The following DOCK2 variants were observed in gnomAD, a reference collection of about 807,000 sequenced individuals.
DOCK2 encodes the protein dedicator of cytokinesis protein 2.
Under a neutral mutation model 248.9 loss-of-function variants are expected in DOCK2, and 87 were observed. The observed-to-expected ratio is 0.35, with a 90% CI of 0.29 to 0.42. The LOEUF is 0.42. DOCK2 is among the 10% of genes least tolerant of loss of function. DOCK2 has a pLI of 1.00. For synonymous variants in DOCK2, 805 were observed against 821.6 expected (o/e 0.98, Z 0.35); for missense variants, 1,747 against 2,300.2 (o/e 0.76, Z 4.92).
intron 46 of DOCK2, among the ~76,000 whole-genome samples, chr5:170,075,238 C>T (rs1757798121): frequency 6.6e-6 from 1 of 152,172 alleles, no homozygotes; most frequent in Non-Finnish European, 1.5e-5. Flanking sequence ...TGACAGTGCC[C>T]ACCATGGCTC....
At chr5:169,912,456 G>A (rs1774650886) in intron 27 of DOCK2, among the ~76,000 whole-genome samples, 1 of 152,124 alleles carries the variant, frequency 6.6e-6, no homozygotes, top group Non-Finnish European at 1.5e-5. Context: ...TTCATCTTTT[G>A]GCACGTGTAT....
At chr5:169,840,987 T>C (rs776135599) in intron 27 of DOCK2, 135 bp downstream of exon 27, 123 of 984,480 alleles carry the variant, frequency 1.2e-4, no homozygotes, top group Non-Finnish European at 1.8e-4. Context: ...ACCAGATTTT[T>C]CCTGTCTGAG....
chr5:169,899,997 T>G (rs1250314222), intron 27 of DOCK2, among the ~76,000 whole-genome samples: 1 of 152,226 alleles, frequency 6.6e-6, no homozygotes, highest in Non-Finnish European at 1.5e-5. Flanking sequence ...TGTATTCACT[T>G]CAGGGTCTCC....
chr5:169,696,054 T>C, intron 10 of DOCK2, 116 bp downstream of exon 10: 1 of 1,360,240 alleles, frequency 7.4e-7, no homozygotes, highest in Non-Finnish European at 9.7e-7. Context: ...CTGCAAAATT[T>C]ATGCCAGACA....
intron 2 of DOCK2, among the ~76,000 whole-genome samples, chr5:169,658,522 AC>A (rs1430072067): frequency 6.7e-6 from 1 of 150,070 alleles, no homozygotes; most frequent in Non-Finnish European, 1.5e-5. Flanking sequence ...TAGTATCTTC[AC>A]CATATGCTCA....
intron 27 of DOCK2, among the ~76,000 whole-genome samples, chr5:169,959,042 C>G (rs1394142121): frequency 1.3e-5 from 2 of 152,110 alleles, no homozygotes; most frequent in Non-Finnish European, 2.9e-5. Flanking sequence ...GCAGAAACAA[C>G]ATATGAAAAT....
At position 169,669,280 on chromosome 5, in the gene DOCK2, T is replaced by G; in HGVS notation, c.128-8T>G. On this transcript the variant is annotated splice_polypyrimidine_tract_variant and splice_region_variant and intron_variant, in intron 2 of 51. Transcript: ENST00000520908. ...TGAGGGAACTGTTTCTTTGTTTTCT[T>G]TTTGCAGACTGGTATAGGGGATACC... The G allele has an allele frequency of 6.2e-7, 1 of 1,613,188 alleles. No homozygotes were observed. Among genetic ancestry groups the G allele is most frequent in the Middle Eastern group, 1.7e-4 (1 of 6,060 alleles).
intron 25 of DOCK2, among the ~76,000 whole-genome samples, chr5:169,775,412 T>A (rs1042088947): frequency 6.6e-5 from 10 of 152,106 alleles, no homozygotes; most frequent in Admixed American, 5.2e-4. Flanking sequence ...CAGTGCTGCT[T>A]GATAGTCTGT....
intron 26 of DOCK2, among the ~76,000 whole-genome samples, chr5:169,817,179 C>T (rs1768112947): frequency 6.6e-6 from 1 of 152,216 alleles, no homozygotes; most frequent in Non-Finnish European, 1.5e-5. Flanking sequence ...AGCTCCGTCT[C>T]ACTCACCACC....
intron 26 of DOCK2, among the ~76,000 whole-genome samples, chr5:169,837,224 CA>C (rs1198730272): frequency 6.6e-6 from 1 of 152,114 alleles, no homozygotes; most frequent in Non-Finnish European, 1.5e-5. Context: ...ATTTCTTTGC[CA>C]AGGCCATAAT....
At chr5:169,784,542 A>G (rs1259309289) in intron 25 of DOCK2, among the ~76,000 whole-genome samples, 2 of 152,240 alleles carry the variant, frequency 1.3e-5, no homozygotes, top group Non-Finnish European at 2.9e-5. Context: ...TCAGGTGTGT[A>G]CAAATAGAGT....
chr5:169,781,040 T>C (rs747973278), intron 25 of DOCK2, among the ~76,000 whole-genome samples: 3 of 152,218 alleles, frequency 2.0e-5, no homozygotes, highest in Non-Finnish European at 4.4e-5. Context: ...CTAGAGCCCA[T>C]GCTGGCATCT....
At chr5:169,864,253 GGGGGATGGTCCCAACCA>G (rs1157185607) in intron 27 of DOCK2, 3 of 1,548,190 alleles carry the variant, frequency 1.9e-6, no homozygotes, top group South Asian at 1.2e-5. Context: ...TTGGGGGGCT[GGGGGATGGTCCCAACCA>G]GCTCAGATCC....
chr5:169,995,959 T>A lies in DOCK2; in HGVS notation c.2994-127T>A, dbSNP rs974416656. On this transcript the variant is annotated intron_variant, in intron 29 of 51. Coordinates refer to ENST00000520908, the MANE Select transcript of DOCK2 (RefSeq NM_004946.3). ...TTGTTAATCTGCATTAGCTGACCTC[T>A]CTAAATCAGTAATTTGGCCTTTGAG... The A allele has an allele frequency of 6.6e-6, 6 of 905,516 alleles. No homozygotes were observed. In the South Asian group the frequency reaches 1.0e-4, roughly 15 times the overall value. The allele number at this position is 905,516 out of a possible 1,614,324, so 56.1% of individuals were successfully genotyped here.
chr5:169,957,757 T>C lies in DOCK2; in HGVS notation c.2800-25311T>C, dbSNP rs893133059. ...CTTTGATTGTCTCAGGTTCCTGGTC[T>C]GTTCATGACCCTGTTAGCCCAAAAG... On this transcript the variant is annotated intron_variant, in intron 27 of 51. Coordinates refer to ENST00000520908, the MANE Select transcript of DOCK2 (RefSeq NM_004946.3). Among the ~76,000 whole-genome samples, 7 of 152,346 alleles carry C rather than the reference T, an allele frequency of 4.6e-5. 1 individual carries two copies. Among genetic ancestry groups the C allele is most frequent in the African/African-American group, 1.7e-4 (7 of 41,590 alleles).
In DOCK2 at chr5:169,712,173, G is replaced by C. The variant is rs1247699915; in HGVS notation, c.1609G>C (p.Glu537Gln). 1 of 1,614,144 alleles carries C rather than the reference G, an allele frequency of 6.2e-7. No individual in the cohort carries two copies. Among genetic ancestry groups the C allele is most frequent in the Non-Finnish European group, 8.5e-7 (1 of 1,179,978 alleles). Residue 537 changes from glutamate to glutamine, a missense_variant, in exon 17 of 52, where the codon GAA (glutamate) becomes CAA (glutamine). Coordinates refer to ENST00000520908, the MANE Select transcript of DOCK2 (RefSeq NM_004946.3). Reference protein sequence around the residue: ...FAMSYVKLMKEDGTTLHDGFH... With the variant: ...FAMSYVKLMKQDGTTLHDGFH... The stretch of plus-strand genomic sequence containing the variant: ...CATGTCCTATGTGAAGCTGATGAAA[G>C]AAGATGGGACTACTCTACACGATGG...
chr5:170,045,819 T>C lies in DOCK2; in HGVS notation c.3880T>C (p.Trp1294Arg). 6.2e-7 allele frequency: 1 copy of C among 1,614,048 alleles called. No homozygotes were observed. Among genetic ancestry groups the C allele is most frequent in the Non-Finnish European group, 8.5e-7 (1 of 1,179,962 alleles). ...IIGYFDKGKM[W>R]EEAISLCKEL... Reference sequence around the variant, plus strand: ...TGTCCCTGTGACCTTCCTGTAGATGTGGGAAGAGGCCATAAGTCTGTGCAA... The same window carrying C: ...TGTCCCTGTGACCTTCCTGTAGATGCGGGAAGAGGCCATAAGTCTGTGCAA... Residue 1294 changes from tryptophan (W) to arginine (R), a missense_variant, in exon 39 of 52, where the codon TGG becomes CGG. By Grantham distance (101) the Trp-to-Arg change is moderately radical. Transcript: ENST00000520908.
chr5:170,057,779 C>A, intron 44 of DOCK2, 113 bp downstream of exon 44: 1 of 905,256 alleles, frequency 1.1e-6, no homozygotes, highest in Non-Finnish European at 1.6e-6. Context: ...TTTGAAGCTG[C>A]TGTGTGAGTC....
At chr5:169,874,833 G>A (rs765238172) in intron 27 of DOCK2, among the ~76,000 whole-genome samples, 53 of 152,064 alleles carry the variant, frequency 3.5e-4, no homozygotes, top group Admixed American at 2.0e-3. Context: ...ATTGCATAAT[G>A]TAAGCCTGGG....
Sources: allele counts gnomAD v4.1 joint callset (sites outside exome capture counted in the v4.1 genomes callset), GRCh38; gene constraint gnomAD v4.1.1; transcripts MANE v1.5; gene names NCBI Gene and HGNC (gene_info 2026-07-23, HGNC 2026-07-21).